CCDC88C: variants seen among roughly 807,000 people sequenced by gnomAD.
CCDC88C encodes the protein protein Daple.
CCDC88C carries 131 observed loss-of-function variants against 198.8 expected under a neutral mutation model. The ratio of observed to expected loss-of-function variants is 0.66; its 90% CI spans 0.57 to 0.76. The LOEUF is 0.76. Ranked by LOEUF, CCDC88C falls within the 30% of genes least tolerant of loss-of-function variation. The probability of loss-of-function intolerance (pLI) is 0.00; values close to 1 mark genes in which losing one functional copy is unlikely to be tolerated. For missense variants in CCDC88C, 2,553 were observed against 2,631.6 expected (o/e 0.97, Z 0.65); for synonymous variants, 1,166 against 1,114.7 (o/e 1.05, Z -0.92).
chr14:91,302,672 A>C (rs1891352065), intron 20 of CCDC88C, among the ~76,000 whole-genome samples: 1 of 152,252 alleles, frequency 6.6e-6, no homozygotes, highest in African/African-American at 2.4e-5. Flanking sequence ...AAATGAGAAC[A>C]GCAGGACATA....
intron 2 of CCDC88C, among the ~76,000 whole-genome samples, chr14:91,415,677 G>T (rs1029788470): frequency 6.6e-6 from 1 of 150,928 alleles, no homozygotes; most frequent in African/African-American, 2.4e-5. Context: ...CTGAGATCAC[G>T]CCATTGCACT....
chr14:91,361,088 C>A (rs1357014505), intron 3 of CCDC88C, among the ~76,000 whole-genome samples: 3 of 146,856 alleles, frequency 2.0e-5, no homozygotes, highest in African/African-American at 7.6e-5. Flanking sequence ...CTATGTTGCA[C>A]GAGTGCACTC....
intron 3 of CCDC88C, among the ~76,000 whole-genome samples, chr14:91,376,288 C>G (rs1884406643): frequency 6.6e-6 from 1 of 152,228 alleles, no homozygotes; most frequent in African/African-American, 2.4e-5. Context: ...CTCCTGCTCC[C>G]TGACCTTGGT....
chr14:91,408,515 G>T, intron 3 of CCDC88C, 144 bp downstream of exon 3: 2 of 651,656 alleles, frequency 3.1e-6, no homozygotes, highest in Non-Finnish European at 5.7e-6. Context: ...CCCAACAAAG[G>T]GTTCACATGA....
At chr14:91,289,537 T>C (rs76070867) in intron 24 of CCDC88C, among the ~76,000 whole-genome samples, 194 bp from the exon 25 acceptor site, 2,282 of 152,216 alleles carry the variant, frequency 0.015, 34 homozygotes, top group Middle Eastern at 0.024. Flanking sequence ...TAATTCTCAG[T>C]TTGGCACAGG....
At chr14:91,374,535 T>C (rs1367555211) in intron 3 of CCDC88C, among the ~76,000 whole-genome samples, 1 of 151,894 alleles carries the variant, frequency 6.6e-6, no homozygotes, top group Non-Finnish European at 1.5e-5. Context: ...CTGAACAAAA[T>C]GCGAGTGTAG....
chr14:91,342,520 TC>T, intron 5 of CCDC88C, 57 bp from the exon 6 acceptor site: 1 of 1,089,724 alleles, frequency 9.2e-7, no homozygotes, highest in Non-Finnish European at 1.4e-6. Context: ...TGAAGCTGAG[TC>T]CACCACAGCC....
intron 10 of CCDC88C, among the ~76,000 whole-genome samples, chr14:91,329,893 G>A (rs1036700824): frequency 1.3e-5 from 2 of 152,258 alleles, no homozygotes; most frequent in African/African-American, 4.8e-5. Context: ...CTGAGAATGT[G>A]AAGGCCCAGT....
intron 3 of CCDC88C, among the ~76,000 whole-genome samples, chr14:91,402,461 G>A (rs956438923): frequency 6.6e-6 from 1 of 152,208 alleles, no homozygotes; most frequent in African/African-American, 2.4e-5. Flanking sequence ...CAGGCAGTGT[G>A]CTGCCGTTTA....
chr14:91,377,983 G>C (rs977381679), intron 3 of CCDC88C, among the ~76,000 whole-genome samples: 2 of 151,776 alleles, frequency 1.3e-5, no homozygotes, highest in Non-Finnish European at 2.9e-5. Context: ...GGGGAGACTG[G>C]GGGTTCTTTA....
chr14:91,321,193 G>A lies in CCDC88C; in HGVS notation c.1454C>T (p.Ala485Val), dbSNP rs767897038. The change falls in exon 13 of 30, where the codon GCG becomes GTG. Residue 485 changes from alanine (A) to valine (V), a missense_variant. This residue lies in a region of CCDC88C where 1,260 missense variants were observed against 1,412.0 expected (regional missense o/e 0.89). Transcript: ENST00000389857. ...LQSTIQGLRD[A>V]SLVLEESGLK... ...GCCGCTCTCCTCCAACACCAGGGAC[G>A]CGTCCCGCAGCCCCTGGATGGTGCT... 56 of 1,612,236 alleles carry A rather than the reference G, an allele frequency of 3.5e-5. No homozygotes were observed. Among genetic ancestry groups the A allele is most frequent in the African/African-American group, 1.3e-4 (10 of 74,898 alleles).
intron 4 of CCDC88C, among the ~76,000 whole-genome samples, chr14:91,358,107 C>T (rs1279294015): frequency 6.6e-6 from 1 of 152,212 alleles, no homozygotes; most frequent in African/African-American, 2.4e-5. Flanking sequence ...CCAGAAAGAG[C>T]GCCCCCACGG....
chr14:91,291,956 G>A (rs554286743), intron 23 of CCDC88C, among the ~76,000 whole-genome samples: 8 of 152,310 alleles, frequency 5.3e-5, no homozygotes, highest in African/African-American at 1.9e-4. Flanking sequence ...TCGGAGCCGC[G>A]CTGCCCATGG....
chr14:91,303,823 G>A lies in CCDC88C; in HGVS notation c.3513C>T (p.His1171=). Residue 1171 remains histidine, a synonymous_variant, in exon 20 of 30, where the codon CAC becomes CAT. Coordinates refer to ENST00000389857, the MANE Select transcript of CCDC88C (RefSeq NM_001080414.4). ...GCTCGTGCAGCGTGCCCAGGTGCTC[G>A]TGGTCCTGCAGCAGGGCCTCGTAGG... is the stretch of plus-strand genomic sequence containing the variant. ...TAAYEALLQD[H]EHLGTLHERQ... is the part of the protein sequence containing the mutation. 2 of 1,613,350 alleles carry A rather than the reference G, an allele frequency of 1.2e-6. No individual in the cohort carries two copies. The highest frequency in any genetic ancestry group is 8.5e-7 in the Non-Finnish European group (1 of 1,179,904).
rs1567043506 is a variant in CCDC88C, at chr14:91,273,477, C to T, written c.5235G>A (p.Leu1745=). 1 of 1,565,384 alleles carries T rather than the reference C, an allele frequency of 6.4e-7. No individual in the cohort carries two copies. Among genetic ancestry groups the T allele is most frequent in the Non-Finnish European group, 8.7e-7 (1 of 1,153,940 alleles). The stretch of plus-strand genomic sequence containing the variant: ...TTGGCTTTACGTACTGCCCGGGCTT[C>T]AGCGGCCTCCCCTCCGAGGTGGGGG... ...MAAPTSEGRP[L]KPGQYVKPNF... Residue 1745 remains leucine (L), a synonymous_variant, in exon 30 of 30, where the codon CTG becomes CTA. Transcript: ENST00000389857. The surrounding 1 kb of genome is among the most constrained non-coding windows in gnomAD (Gnocchi z 5.6).
rs1290557057 is a variant in CCDC88C at position 91,297,332 on chromosome 14, C to T, written c.3939G>A (p.Ser1313=). The T allele has an allele frequency of 3.1e-6, 5 of 1,613,534 alleles. No homozygotes were observed. Among genetic ancestry groups the T allele is most frequent in the African/African-American group, 1.3e-5 (1 of 74,928 alleles). Residue 1313 remains serine, a synonymous_variant, in exon 22 of 30, where the codon TCG becomes TCA. Transcript: ENST00000389857. Reference sequence around the variant, plus strand: ...CACAGTGGTTGTCCAGCTTGGTCAGCGAGATGTCCATGGTCTGGTGCTGCT... The same window carrying T: ...CACAGTGGTTGTCCAGCTTGGTCAGTGAGATGTCCATGGTCTGGTGCTGCT... The part of the protein sequence containing the change: ...LKEQHQTMDI[S]LTKLDNHCEL...
At chr14:91,379,596 G>T (rs1884658615) in intron 3 of CCDC88C, 2 of 568,350 alleles carry the variant, frequency 3.5e-6, no homozygotes, top group African/African-American at 3.8e-5. Flanking sequence ...CACACGAGCA[G>T]AAGTGGGACG....
chr14:91,287,997 T>C (rs1890488285), intron 25 of CCDC88C, among the ~76,000 whole-genome samples: 1 of 152,276 alleles, frequency 6.6e-6, no homozygotes, highest in Non-Finnish European at 1.5e-5. Flanking sequence ...ATTTCAGTGA[T>C]GTCTCAGTCA....
rs7151807 is a variant in CCDC88C, at chr14:91,313,060, C to G, written c.2736+20G>C. On this transcript the variant is annotated intron_variant, in intron 15 of 29. Coordinates refer to ENST00000389857, the MANE Select transcript of CCDC88C (RefSeq NM_001080414.4). The surrounding 1 kb of genome is among the most constrained non-coding windows in gnomAD (Gnocchi z 5.2). ...CACCATCTGCCAATCCCCTTACAGG[C>G]GCCGCCTGTGTTTGCTCACCTCCCT... 3.8e-3 allele frequency: 5,946 copies of G among 1,550,304 alleles called. 211 individuals are homozygous for G. The African/African-American group carries it at 0.072, about 19-fold the overall frequency.
Sources: gnomAD v4.1 joint callset for allele counts (sites outside exome capture counted in the v4.1 genomes callset) on GRCh38, gnomAD v4.1.1 for gene constraint, gnomAD v4.1.1 regional missense constraint, Gnocchi (gnomAD v3.1) non-coding constraint, MANE v1.5 for transcripts, NCBI Gene and HGNC (gene_info 2026-07-23, HGNC 2026-07-21) for gene names.